The following GLRA3 variants were observed in gnomAD, a reference collection of about 807,000 sequenced individuals.
GLRA3 encodes glycine receptor subunit alpha-3.
GLRA3 carries 44 observed loss-of-function variants against 60.4 expected under a neutral mutation model. The observed-to-expected ratio is 0.73, with a 90% confidence interval of 0.57 to 0.94. The LOEUF (loss-of-function observed/expected upper bound fraction) is 0.94, where lower values mean the gene tolerates loss of function less well. Among genes scored for constraint, GLRA3 ranks in the 40% least tolerant of loss-of-function variants. The pLI is 0.00. For synonymous variants in GLRA3, 223 were observed against 192.9 expected, an observed-to-expected ratio of 1.16 and a Z score of -1.29; for missense variants, 508 against 564.6, an observed-to-expected ratio of 0.90 and a Z score of 1.02.
Position 174,639,879 on chromosome 4 carries a change from T to C in GLRA3, c.*3907A>G, listed in dbSNP as rs536061293. The C allele has an allele frequency of 1.3e-5, 2 of 152,154 alleles. No individual in the cohort carries two copies. The highest frequency in any genetic ancestry group is 4.8e-5 in the African/African-American group (2 of 41,538). 9.4% of individuals were successfully genotyped at this position (152,154 alleles called of 1,614,324 possible). ...CCACTGTAGCACACAAATAAGGAAA[T>C]AAAAACCAATGCATCTGCTGAGGAA... On this transcript the variant is annotated 3_prime_UTR_variant, in exon 10 of 10. Coordinates refer to ENST00000274093, the MANE Select transcript of GLRA3 (RefSeq NM_006529.4).
intron 3 of GLRA3, among the ~76,000 whole-genome samples, chr4:174,738,104 A>G (rs13146324): frequency 0.41 from 61,668 of 152,028 alleles, 13,096 homozygotes; most frequent in African/African-American, 0.5. Flanking sequence ...TGGCCAAGGA[A>G]CTCTGTGGAG....
At position 174,652,846 on chromosome 4, in the gene GLRA3, T is replaced by A. The variant is rs72998758; in HGVS notation, c.1116+3897A>T. Among the ~76,000 whole-genome samples, 212 of 152,156 alleles carry A rather than the reference T, an allele frequency of 1.4e-3. 3 individuals are homozygous for A. Among genetic ancestry groups the A allele is most frequent in the African/African-American group, 4.9e-3 (204 of 41,566 alleles). ...TGTATCTTCTTCTTAGTCCTCAAAATTGACCAGAAAAAAGAAAACTTATGT... is the reference window on the plus strand; with the variant it reads ...TGTATCTTCTTCTTAGTCCTCAAAAATGACCAGAAAAAAGAAAACTTATGT... On this transcript the variant is annotated intron_variant, in intron 9 of 9. Transcript: ENST00000274093.
At chr4:174,648,620 A>C (rs1732919323) in intron 9 of GLRA3, among the ~76,000 whole-genome samples, 1 of 152,186 alleles carries the variant, frequency 6.6e-6, no homozygotes, top group Non-Finnish European at 1.5e-5. Flanking sequence ...GCCTACCCAA[A>C]CCATATCCCC....
At chr4:174,749,545 T>G (rs569779932) in intron 3 of GLRA3, among the ~76,000 whole-genome samples, 1 of 152,174 alleles carries the variant, frequency 6.6e-6, no homozygotes, top group African/African-American at 2.4e-5. Flanking sequence ...TTGAAGTACA[T>G]GATTTTGCAA....
At chr4:174,727,296 A>G (rs1000372205) in intron 4 of GLRA3, among the ~76,000 whole-genome samples, 2 of 152,226 alleles carry the variant, frequency 1.3e-5, no homozygotes, top group Non-Finnish European at 2.9e-5. Context: ...CTACTATTTT[A>G]TCCCTGATAT....
Position 174,674,427 on chromosome 4 carries a change from T to A in GLRA3, c.927+2651A>T, listed in dbSNP as rs569723762. 2.6e-5 allele frequency among the ~76,000 whole-genome samples: 4 copies of A among 151,894 alleles called. No homozygotes were observed. In the East Asian group the frequency reaches 7.7e-4, roughly 29 times the overall value. ...AGTTTCAAGGAATCAATCACAGGAG[T>A]GTTCTTGCTTTGAGAGACTACATGC... On this transcript the variant is annotated intron_variant, in intron 7 of 9. Coordinates refer to ENST00000274093, the MANE Select transcript of GLRA3 (RefSeq NM_006529.4).
chr4:174,688,200 T>A (rs1001758342), intron 5 of GLRA3, among the ~76,000 whole-genome samples: 3 of 151,258 alleles, frequency 2.0e-5, no homozygotes, highest in Non-Finnish European at 4.4e-5. Flanking sequence ...TTGTATTTCA[T>A]ACCTCATGAC....
chr4:174,645,885 G>C (rs1579380581), intron 9 of GLRA3, among the ~76,000 whole-genome samples: 1 of 152,096 alleles, frequency 6.6e-6, no homozygotes, highest in South Asian at 2.1e-4. Context: ...GAATTAAATT[G>C]TTCTTATGTA....
chr4:174,653,984 C>T (rs1288026809), intron 9 of GLRA3, among the ~76,000 whole-genome samples: 5 of 151,956 alleles, frequency 3.3e-5, no homozygotes, highest in African/African-American at 9.7e-5. Context: ...TGAGAGGATG[C>T]GATTTCAACT....
At chr4:174,648,943 G>A (rs999745480) in intron 9 of GLRA3, among the ~76,000 whole-genome samples, 2 of 152,034 alleles carry the variant, frequency 1.3e-5, no homozygotes, top group Admixed American at 6.6e-5. Context: ...TTTTGGCAGC[G>A]GACTCCACTA....
At chr4:174,771,734 T>G (rs1738395683) in intron 2 of GLRA3, among the ~76,000 whole-genome samples, 1 of 152,108 alleles carries the variant, frequency 6.6e-6, no homozygotes, top group Non-Finnish European at 1.5e-5. Flanking sequence ...TTTTTCTTAT[T>G]TTAGTTTAGA....
intron 4 of GLRA3, chr4:174,722,749 G>A (rs570782729): frequency 6.0e-6 from 1 of 166,540 alleles, no homozygotes; most frequent in African/African-American, 2.4e-5. Context: ...AAGCAGGAAA[G>A]CCAGATCTCT....
intron 1 of GLRA3, among the ~76,000 whole-genome samples, chr4:174,807,979 A>T (rs1051887083): frequency 6.6e-6 from 1 of 152,118 alleles, no homozygotes; most frequent in Admixed American, 6.6e-5. Flanking sequence ...GATTTCCTCA[A>T]ATGAAATCCA....
intron 3 of GLRA3, among the ~76,000 whole-genome samples, chr4:174,744,357 A>G (rs747151593): frequency 6.6e-6 from 1 of 152,242 alleles, no homozygotes; most frequent in Non-Finnish European, 1.5e-5. Context: ...GCCTGGTCCT[A>G]CTGACACAGG....
chr4:174,714,183 C>T (rs1258789168), intron 5 of GLRA3, among the ~76,000 whole-genome samples: 1 of 152,120 alleles, frequency 6.6e-6, no homozygotes, highest in Non-Finnish European at 1.5e-5. Context: ...ACAGCAAGGA[C>T]CAAACAATTT....
intron 1 of GLRA3, among the ~76,000 whole-genome samples, chr4:174,790,839 AAAAAAAAGAAAG>A (rs1360645281): frequency 2.7e-5 from 4 of 148,096 alleles, no homozygotes; most frequent in African/African-American, 5.0e-5. Context: ...AAAAAAAAAA[AAAAAAAAGAAAG>A]AAATTAGCCG....
chr4:174,779,087 G>A (rs1738751424), intron 2 of GLRA3, among the ~76,000 whole-genome samples: 1 of 152,224 alleles, frequency 6.6e-6, no homozygotes, highest in Admixed American at 6.5e-5. Context: ...CAGCTTTGAA[G>A]AGAGCAGTGG....
chr4:174,797,739 C>A (rs1285033181), intron 1 of GLRA3, among the ~76,000 whole-genome samples: 5 of 151,944 alleles, frequency 3.3e-5, no homozygotes, highest in Admixed American at 2.0e-4. Flanking sequence ...TGAGACCAGC[C>A]TGAGCAACAT....
At chr4:174,803,633 A>C (rs1176559098) in intron 1 of GLRA3, among the ~76,000 whole-genome samples, 1 of 152,194 alleles carries the variant, frequency 6.6e-6, no homozygotes, top group African/African-American at 2.4e-5. Flanking sequence ...TATGTTTAGA[A>C]AACTGCCAAA....
Sources: gnomAD v4.1 joint callset for allele counts (sites outside exome capture counted in the v4.1 genomes callset) on GRCh38, gnomAD v4.1.1 for gene constraint, MANE v1.5 for transcripts, NCBI Gene and HGNC (gene_info 2026-07-23, HGNC 2026-07-21) for gene names.